The following DLG2 variants were observed in gnomAD, a reference collection of about 807,000 sequenced individuals.
DLG2 encodes the protein discs large MAGUK scaffold protein 2.
DLG2 carries 45 observed loss-of-function variants against 132.5 expected under a neutral mutation model. That is an observed-to-expected ratio of 0.34 (90% CI 0.27 to 0.44). The LOEUF is 0.44. DLG2 is among the 20% of genes least tolerant of loss of function. DLG2 has a pLI of 1.00. For missense variants in DLG2, 1,045 were observed against 1,196.9 expected (o/e 0.87, Z 1.87); for synonymous variants, 424 against 419.6 (o/e 1.01, Z -0.13).
chr11:85,573,535 T>A (rs781633667), intron 3 of DLG2, among the ~76,000 whole-genome samples: 11 of 152,078 alleles, frequency 7.2e-5, no homozygotes, highest in Non-Finnish European at 1.3e-4. Flanking sequence ...TAGCCACTGG[T>A]GACAGCCAAG....
chr11:84,001,595 C>T (rs530291724), intron 11 of DLG2, among the ~76,000 whole-genome samples: 12 of 152,130 alleles, frequency 7.9e-5, no homozygotes, highest in Admixed American at 2.6e-4. Context: ...ATAAAATGGA[C>T]CTAACATACA....
At chr11:84,801,713 G>T (rs890229125) in intron 6 of DLG2, among the ~76,000 whole-genome samples, 1 of 152,146 alleles carries the variant, frequency 6.6e-6, no homozygotes, top group Non-Finnish European at 1.5e-5. Context: ...GAGGTGTTGT[G>T]ATCATCATAA....
chr11:84,932,124 T>A (rs2048165128), intron 6 of DLG2, among the ~76,000 whole-genome samples: 1 of 152,230 alleles, frequency 6.6e-6, no homozygotes. Context: ...TTAGTTTAAT[T>A]CATTCCCATT....
At chr11:85,149,155 T>G (rs1010507764) in intron 5 of DLG2, among the ~76,000 whole-genome samples, 23 of 152,132 alleles carry the variant, frequency 1.5e-4, no homozygotes, top group African/African-American at 5.6e-4. Context: ...ACTGTAGGCT[T>G]GTAGTATAGT....
chr11:84,778,242 C>A (rs970018533), intron 6 of DLG2, among the ~76,000 whole-genome samples: 1 of 152,100 alleles, frequency 6.6e-6, no homozygotes, highest in African/African-American at 2.4e-5. Context: ...CTTGTCAGGT[C>A]TATCAAAGAT....
At chr11:83,812,094 T>C (rs918935547) in intron 17 of DLG2, among the ~76,000 whole-genome samples, 4 of 152,196 alleles carry the variant, frequency 2.6e-5, no homozygotes, top group African/African-American at 9.6e-5. Flanking sequence ...AACTTCCATC[T>C]GTCTACTGAG....
In DLG2 at chr11:83,811,442, C is replaced by A. The variant is rs183542430; in HGVS notation, c.1722+22172G>T. The stretch of plus-strand genomic sequence containing the variant: ...AAATGGCAACTTCATATGGTTCAGC[C>A]TAATAACATTATTAATATCACTAAA... On this transcript the variant is annotated intron_variant, in intron 17 of 27. Coordinates refer to ENST00000376104, the MANE Select transcript of DLG2 (RefSeq NM_001142699.3). Among the ~76,000 whole-genome samples, 4 of 152,032 alleles carry A rather than the reference C, an allele frequency of 2.6e-5. No homozygotes were observed. In the East Asian group the frequency reaches 7.7e-4, roughly 29 times the overall value.
intron 7 of DLG2, among the ~76,000 whole-genome samples, chr11:84,424,257 G>A (rs11234028): frequency 0.15 from 22,524 of 152,044 alleles, 3,151 homozygotes; most frequent in African/African-American, 0.37. Flanking sequence ...TATTAGGGCA[G>A]AAATGTGCTT....
chr11:84,265,533 T>C (rs1467086784), intron 7 of DLG2, among the ~76,000 whole-genome samples: 1 of 152,186 alleles, frequency 6.6e-6, no homozygotes, highest in Non-Finnish European at 1.5e-5. Context: ...TTTAACCATT[T>C]CTGATCCTGG....
chr11:85,443,917 G>A (rs1167809905), intron 3 of DLG2, among the ~76,000 whole-genome samples: 2 of 152,136 alleles, frequency 1.3e-5, no homozygotes, highest in African/African-American at 4.8e-5. Context: ...GTATGTTTGT[G>A]AAATACAACA....
chr11:85,437,711 A>G (rs2091565389), intron 3 of DLG2, among the ~76,000 whole-genome samples: 1 of 152,198 alleles, frequency 6.6e-6, no homozygotes, highest in African/African-American at 2.4e-5. Flanking sequence ...TAGTGCCAAA[A>G]TTTTTAATTT....
At chr11:84,276,754 T>C (rs1257781250) in intron 7 of DLG2, among the ~76,000 whole-genome samples, 1 of 152,212 alleles carries the variant, frequency 6.6e-6, no homozygotes, top group Non-Finnish European at 1.5e-5. Context: ...TACCTTTGTA[T>C]GGTGGGACTA....
In DLG2 at chr11:85,294,545, G is replaced by A. The variant is rs529000248; in HGVS notation, c.41-9180C>T. Reference sequence around the variant, plus strand: ...TTACTAAATGTGTGACCTTATGCAAGTTACTTAACTTCTCTAAACCTCACC... The same window carrying A: ...TTACTAAATGTGTGACCTTATGCAAATTACTTAACTTCTCTAAACCTCACC... On this transcript the variant is annotated intron_variant, in intron 3 of 27. Transcript: ENST00000376104. Among the ~76,000 whole-genome samples the A allele has an allele frequency of 8.5e-4, 129 of 152,228 alleles. 1 individual carries two copies. Among genetic ancestry groups the A allele is most frequent in the African/African-American group, 2.7e-3 (111 of 41,558 alleles).
intron 3 of DLG2, among the ~76,000 whole-genome samples, chr11:85,470,724 T>C (rs2092958912): frequency 6.6e-6 from 1 of 152,230 alleles, no homozygotes; most frequent in South Asian, 2.1e-4. Flanking sequence ...TGAGACTCTG[T>C]CTCAACCAAA....
At chr11:85,045,084 C>A (rs945615361) in intron 6 of DLG2, among the ~76,000 whole-genome samples, 1 of 152,016 alleles carries the variant, frequency 6.6e-6, no homozygotes, top group African/African-American at 2.4e-5. Context: ...CGCCCACCTG[C>A]ACCCTTCTTC....
chr11:83,753,453 C>A (rs1295117580), intron 18 of DLG2, among the ~76,000 whole-genome samples: 3 of 151,426 alleles, frequency 2.0e-5, no homozygotes, highest in Non-Finnish European at 2.9e-5. Context: ...AAAACCAAAA[C>A]CAAAAACTGA....
At chr11:83,592,268 C>T (rs1195131288) in intron 19 of DLG2, among the ~76,000 whole-genome samples, 2 of 151,210 alleles carry the variant, frequency 1.3e-5, no homozygotes, top group African/African-American at 2.4e-5. Context: ...GTAATCAAAA[C>T]AGCATGGTAC....
intron 6 of DLG2, among the ~76,000 whole-genome samples, chr11:84,877,818 C>A (rs1441951027): frequency 3.3e-5 from 5 of 152,114 alleles, no homozygotes; most frequent in Admixed American, 6.6e-5. Flanking sequence ...ATCTGTCCAT[C>A]TGACAAAGGG....
At chr11:84,409,450 T>C (rs1209237298) in intron 7 of DLG2, among the ~76,000 whole-genome samples, 1 of 152,192 alleles carries the variant, frequency 6.6e-6, no homozygotes, top group Admixed American at 6.5e-5. Context: ...AAGCCGGTTA[T>C]AGGGAAGGTA....
Sources: allele counts gnomAD v4.1 joint callset (sites outside exome capture counted in the v4.1 genomes callset), GRCh38; gene constraint gnomAD v4.1.1; transcripts MANE v1.5; gene names NCBI Gene and HGNC (gene_info 2026-07-23, HGNC 2026-07-21).